Variants in FAF1 observed in about 807,000 individuals in gnomAD.
FAF1 encodes the protein Fas associated factor 1.
In FAF1, 25 loss-of-function variants were observed where a neutral mutation model predicts 92.5. The observed-to-expected ratio is 0.27, with a 90% confidence interval of 0.20 to 0.38. FAF1 has a LOEUF of 0.38. Among genes scored for constraint, FAF1 ranks in the 10% least tolerant of loss-of-function variants. The pLI is 1.00. For missense variants in FAF1, 636 were observed against 793.3 expected (o/e 0.80, Z 2.38); for synonymous variants, 234 against 273.2 (o/e 0.86, Z 1.42).
chr1:50,837,251 C>T lies in FAF1; in HGVS notation c.114+20678G>A, dbSNP rs111431869. Among the ~76,000 whole-genome samples the T allele has an allele frequency of 2.8e-3, 426 of 152,052 alleles. 4 individuals carry two copies. Among genetic ancestry groups the T allele is most frequent in the African/African-American group, 9.7e-3 (403 of 41,462 alleles). On this transcript the variant is annotated intron_variant, in intron 2 of 18. Transcript: ENST00000396153. ...GATTACAGGCGTGAGCCACCGTGCC[C>T]GGCCATATGTTATGTTTCTTGTTCT...
chr1:50,725,731 T>C (rs1451690830), intron 6 of FAF1, among the ~76,000 whole-genome samples: 2 of 152,154 alleles, frequency 1.3e-5, no homozygotes, highest in African/African-American at 2.4e-5. Context: ...GCTGGGATTA[T>C]AGGCGTGAGC....
intron 18 of FAF1, among the ~76,000 whole-genome samples, chr1:50,454,631 C>T (rs1646330972): frequency 6.6e-6 from 1 of 152,192 alleles, no homozygotes; most frequent in Non-Finnish European, 1.5e-5. Flanking sequence ...AGGCAGTTGC[C>T]AAGGTCTGCT....
intron 1 of FAF1, among the ~76,000 whole-genome samples, chr1:50,875,408 C>T: frequency 6.6e-6 from 1 of 152,030 alleles, no homozygotes; most frequent in East Asian, 1.9e-4. Context: ...AGAACACCTA[C>T]AATCAACTCT....
Position 50,705,803 on chromosome 1 carries a change from T to C in FAF1, c.640A>G (p.Ser214Gly). The change falls in exon 7 of 19, where the codon AGC becomes GGC. Residue 214 changes from serine (S) to glycine (G), a missense_variant. Coordinates refer to ENST00000396153, the MANE Select transcript of FAF1 (RefSeq NM_007051.3). The stretch of plus-strand genomic sequence containing the variant: ...TAACTCACCTCTTGAATAGTACTGC[T>C]TCCTGAGAAGTTCAGGTTGTACTCC... ...QREYNLNFSG[S>G]STIQEVKRNV... 6.2e-7 allele frequency: 1 copy of C among 1,602,960 alleles called. No individual in the cohort carries two copies. The highest frequency in any genetic ancestry group is 8.5e-7 in the Non-Finnish European group (1 of 1,170,204).
chr1:50,561,648 A>G (rs896772123), intron 13 of FAF1, among the ~76,000 whole-genome samples: 1 of 152,178 alleles, frequency 6.6e-6, no homozygotes. Context: ...CAATATGGTG[A>G]AACCCCATCT....
intron 7 of FAF1, among the ~76,000 whole-genome samples, chr1:50,671,732 ATT>A (rs377442041): frequency 3.5e-5 from 5 of 143,128 alleles, no homozygotes. Context: ...GAACATTTTA[ATT>A]TTTTTTTTTT....
intron 1 of FAF1, 85 bp from the exon 2 acceptor site, chr1:50,858,082 T>C (rs1644404241): frequency 1.1e-6 from 1 of 916,422 alleles, no homozygotes; most frequent in Admixed American, 2.6e-5. Context: ...TAGCATAATA[T>C]GTAATTTAAA....
At chr1:50,599,398 C>T (rs1651988642) in intron 8 of FAF1, among the ~76,000 whole-genome samples, 2 of 152,098 alleles carry the variant, frequency 1.3e-5, no homozygotes, top group Non-Finnish European at 2.9e-5. Context: ...AGGCCTAAGC[C>T]ACCACACCTG....
chr1:50,787,931 A>C, intron 4 of FAF1, 69 bp downstream of exon 4: 1 of 1,407,050 alleles, frequency 7.1e-7, no homozygotes, highest in Non-Finnish European at 9.9e-7. Context: ...ACTAGAAATA[A>C]AAAAAATATA....
At chr1:50,830,353 G>A (rs1478731655) in intron 2 of FAF1, among the ~76,000 whole-genome samples, 1 of 152,104 alleles carries the variant, frequency 6.6e-6, no homozygotes, top group Non-Finnish European at 1.5e-5. Flanking sequence ...CAAGTGATCT[G>A]CCCACCTCAG....
intron 1 of FAF1, among the ~76,000 whole-genome samples, chr1:50,864,984 A>C: frequency 6.6e-6 from 1 of 152,176 alleles, no homozygotes; most frequent in Non-Finnish European, 1.5e-5. Flanking sequence ...GAACTCAAAC[A>C]AATTTACAAG....
At chr1:50,490,437 AAGGAAGGAAGGAAGGAAG>A in intron 17 of FAF1, 133 bp downstream of exon 17, 1 of 566,624 alleles carries the variant, frequency 1.8e-6, no homozygotes, top group Non-Finnish European at 3.2e-6. Context: ...GGAAGGAAGG[AAGGAAGGAAGGAAGGAAG>A]GAAGGAAAAA....
intron 15 of FAF1, among the ~76,000 whole-genome samples, chr1:50,506,544 G>A (rs1181230717): frequency 6.6e-6 from 1 of 152,136 alleles, no homozygotes; most frequent in African/African-American, 2.4e-5. Flanking sequence ...CCTGGATTGA[G>A]TAGCTTCACT....
intron 1 of FAF1, among the ~76,000 whole-genome samples, chr1:50,941,025 T>C (rs971924416): frequency 2.0e-5 from 3 of 150,784 alleles, no homozygotes; most frequent in South Asian, 2.1e-4. Context: ...CAGTTTGGGG[T>C]TTTTTTGGTT....
chr1:50,588,559 T>C (rs1651353175), intron 9 of FAF1, among the ~76,000 whole-genome samples: 1 of 152,134 alleles, frequency 6.6e-6, no homozygotes, highest in Admixed American at 6.5e-5. Context: ...CTCTGGGGCA[T>C]GCTGTGGCAT....
chr1:50,929,486 T>C (rs996741394), intron 1 of FAF1, among the ~76,000 whole-genome samples: 5 of 152,210 alleles, frequency 3.3e-5, no homozygotes, highest in African/African-American at 1.2e-4. Flanking sequence ...TTTCCCTAAA[T>C]TTTACACACT....
At chr1:50,817,417 A>T (rs976305081) in intron 2 of FAF1, among the ~76,000 whole-genome samples, 1 of 152,230 alleles carries the variant, frequency 6.6e-6, no homozygotes. Context: ...TTCCATTTAC[A>T]TGAGGTAATG....
intron 2 of FAF1, among the ~76,000 whole-genome samples, chr1:50,837,518 TA>T (rs1255583184): frequency 3.3e-5 from 5 of 152,210 alleles, no homozygotes; most frequent in Admixed American, 6.5e-5. Flanking sequence ...TCTTTACAAA[TA>T]TTTTTAAATG....
intron 9 of FAF1, among the ~76,000 whole-genome samples, chr1:50,592,863 G>A (rs938057310): frequency 6.6e-6 from 1 of 151,606 alleles, no homozygotes; most frequent in Non-Finnish European, 1.5e-5. Context: ...GCTTGAACCC[G>A]TGGGGAGAAG....
Sources: gnomAD v4.1 joint callset for allele counts (sites outside exome capture counted in the v4.1 genomes callset) on GRCh38, gnomAD v4.1.1 for gene constraint, MANE v1.5 for transcripts, NCBI Gene and HGNC (gene_info 2026-07-23, HGNC 2026-07-21) for gene names.